The following POU3F3 variants were observed in gnomAD, a reference collection of about 807,000 sequenced individuals.
POU3F3 encodes POU domain, class 3, transcription factor 3.
In POU3F3, 1 loss-of-function variant was observed where a neutral mutation model predicts 8.6. The observed-to-expected ratio is 0.12, with a 90% CI of 0.04 to 0.55. The LOEUF is 0.55. POU3F3 is among the 20% of genes least tolerant of loss of function. The pLI, the probability that POU3F3 is intolerant of heterozygous loss-of-function variation, is 0.91. For missense variants in POU3F3, 577 were observed against 690.7 expected, an observed-to-expected ratio of 0.84 and a Z score of 1.84; for synonymous variants, 418 against 327.4, an observed-to-expected ratio of 1.28 and a Z score of -2.99.
At chr2:104,917,092 C>A in the POU3F3 span, among the ~76,000 whole-genome samples, 4 of 152,164 alleles carry the variant, frequency 2.6e-5, no homozygotes, top group Admixed American at 2.6e-4. Context: ...GGTTCTCAGG[C>A]CTTCAGGCTC....
chr2:104,870,594 G>A, the POU3F3 span, among the ~76,000 whole-genome samples: 2 of 152,204 alleles, frequency 1.3e-5, no homozygotes, highest in African/African-American at 4.8e-5. Context: ...GCTAAACTAT[G>A]GGACAATGAG....
At chr2:104,902,076 C>A in the POU3F3 span, among the ~76,000 whole-genome samples, 1 of 152,100 alleles carries the variant, frequency 6.6e-6, no homozygotes. Flanking sequence ...GGCTCCCTCC[C>A]TCTTTCTCTC....
the POU3F3 span, among the ~76,000 whole-genome samples, chr2:104,923,013 A>G: frequency 6.6e-6 from 1 of 152,244 alleles, no homozygotes; most frequent in African/African-American, 2.4e-5. Flanking sequence ...GAAAGGAAAA[A>G]AAACTGTCAA....
At chr2:104,869,204 G>A in the POU3F3 span, among the ~76,000 whole-genome samples, 1 of 152,184 alleles carries the variant, frequency 6.6e-6, no homozygotes, top group Admixed American at 6.5e-5. Context: ...GCTGGGAAAA[G>A]TTTAAAGCTG....
chr2:104,866,968 C>T, the POU3F3 span: 2 of 152,252 alleles, frequency 1.3e-5, no homozygotes, highest in African/African-American at 2.4e-5. Flanking sequence ...CTGTGTCATC[C>T]TCAACCAGCT....
chr2:104,899,182 C>G, the POU3F3 span, among the ~76,000 whole-genome samples: 1 of 152,212 alleles, frequency 6.6e-6, no homozygotes, highest in Non-Finnish European at 1.5e-5. Flanking sequence ...TTCACAGACC[C>G]AGCACATAAG....
downstream of POU3F3, chr2:104,858,654 T>C (rs1295651981): frequency 2.0e-5 from 3 of 152,252 alleles, no homozygotes; most frequent in East Asian, 3.8e-4. Flanking sequence ...TGAAAATCCC[T>C]AAGTAATAGC....
the POU3F3 span, among the ~76,000 whole-genome samples, chr2:104,908,948 TACTC>T: frequency 1.3e-5 from 2 of 152,228 alleles, no homozygotes; most frequent in African/African-American, 4.8e-5. Context: ...CTTTCTTTCT[TACTC>T]TTTTCTTTTT....
upstream of POU3F3, chr2:104,853,696 C>T (rs1428937018): frequency 6.6e-6 from 1 of 152,302 alleles, no homozygotes; most frequent in Non-Finnish European, 1.5e-5. Context: ...ATGTTTCCCC[C>T]TTCGTTTTCC....
the POU3F3 span, among the ~76,000 whole-genome samples, chr2:104,876,800 C>G: frequency 1.3e-5 from 2 of 152,336 alleles, no homozygotes; most frequent in Non-Finnish European, 2.9e-5. Flanking sequence ...ACCAGAGCAG[C>G]AAGCCTTGGC....
At chr2:104,924,566 T>C in the POU3F3 span, among the ~76,000 whole-genome samples, 36 of 152,308 alleles carry the variant, frequency 2.4e-4, no homozygotes, top group South Asian at 6.2e-4. Flanking sequence ...TTTCACAACT[T>C]TGGACTCATA....
the POU3F3 span, among the ~76,000 whole-genome samples, chr2:104,865,200 C>T: frequency 1.3e-5 from 2 of 152,164 alleles, no homozygotes; most frequent in Non-Finnish European, 2.9e-5. Context: ...GAAGTTTTCT[C>T]TAAGTGAATC....
At chr2:104,905,371 C>T in the POU3F3 span, among the ~76,000 whole-genome samples, 2 of 152,144 alleles carry the variant, frequency 1.3e-5, no homozygotes, top group Non-Finnish European at 2.9e-5. Context: ...TCCCTTTATT[C>T]TTACCCTCCA....
the POU3F3 span, chr2:104,868,301 G>T: frequency 2.2e-6 from 1 of 456,606 alleles, no homozygotes; most frequent in East Asian, 6.9e-5. Flanking sequence ...CGAGTTCAGG[G>T]CTAGGAGCAG....
At chr2:104,893,883 CAAAAAAAAAAA>C in the POU3F3 span, among the ~76,000 whole-genome samples, 2 of 87,802 alleles carry the variant, frequency 2.3e-5, no homozygotes, top group Non-Finnish European at 4.5e-5. Flanking sequence ...AACTCTGTCT[CAAAAAAAAAAA>C]AAAAAAAAAA....
chr2:104,860,752 CTTTTTTTTTTTT>C (rs1178339577), downstream of POU3F3, among the ~76,000 whole-genome samples: 1 of 50,242 alleles, frequency 2.0e-5, no homozygotes, highest in South Asian at 6.7e-4. Context: ...GTTGCTCTGC[CTTTTTTTTTTTT>C]TTTTTTTTTT....
chr2:104,853,600 G>C (rs1676485654), upstream of POU3F3: 1 of 152,336 alleles, frequency 6.6e-6, no homozygotes, highest in Non-Finnish European at 1.5e-5. Flanking sequence ...TCCGTGCCGC[G>C]CGCTTTACAA....
At chr2:104,925,205 C>T in the POU3F3 span, among the ~76,000 whole-genome samples, 2 of 152,190 alleles carry the variant, frequency 1.3e-5, no homozygotes, top group Non-Finnish European at 2.9e-5. Context: ...GCAATCCTGT[C>T]TTCACTTTGG....
the POU3F3 span, among the ~76,000 whole-genome samples, chr2:104,899,728 C>T: frequency 6.6e-6 from 1 of 152,338 alleles, no homozygotes; most frequent in East Asian, 1.9e-4. Context: ...TATGTCTGTG[C>T]TTTCTCAATT....
Sources: allele counts gnomAD v4.1 joint callset (sites outside exome capture counted in the v4.1 genomes callset), GRCh38; gene constraint gnomAD v4.1.1; transcripts MANE v1.5; gene names NCBI Gene and HGNC (gene_info 2026-07-23, HGNC 2026-07-21).